Variants in SORBS2 observed in about 807,000 individuals in gnomAD.
SORBS2 encodes the protein sorbin and SH3 domain-containing protein 2.
SORBS2 carries 46 observed loss-of-function variants against 97.7 expected under a neutral mutation model. The ratio of observed to expected loss-of-function variants is 0.47; its 90% CI spans 0.37 to 0.60. The LOEUF is 0.60. SORBS2 is among the 20% of genes least tolerant of loss of function. The pLI, the probability that SORBS2 is intolerant of heterozygous loss-of-function variation, is 0.00. For missense variants in SORBS2, 1,316 were observed against 1,282.3 expected (o/e 1.03, Z -0.40); for synonymous variants, 476 against 473.4 (o/e 1.01, Z -0.07).
chr4:185,807,323 T>G (rs1440149456), intron 1 of SORBS2, among the ~76,000 whole-genome samples: 2 of 152,156 alleles, frequency 1.3e-5, no homozygotes, highest in African/African-American at 4.8e-5. Flanking sequence ...AGTAAGACCC[T>G]TGATTGGATT....
chr4:185,699,533 C>T (rs1160879204), intron 2 of SORBS2, among the ~76,000 whole-genome samples: 5 of 152,010 alleles, frequency 3.3e-5, no homozygotes, highest in African/African-American at 7.2e-5. Context: ...GTAATCTGCC[C>T]GCCTTGGTCT....
rs1667495732 is a variant in SORBS2, at chr4:185,814,292, GA to G, written c.-337-38927del. ...CACACCTTTATTCCCAGCACTTTGG[GA>G]GGCTGAGGCAGGTGGATCACTTGAG... On this transcript the variant is annotated intron_variant, in intron 1 of 20. Transcript: ENST00000284776. 2.6e-5 allele frequency among the ~76,000 whole-genome samples: 4 copies of G among 151,938 alleles called. No homozygotes were observed. The South Asian group carries it at 8.3e-4, about 32-fold the overall frequency.
intron 1 of SORBS2, among the ~76,000 whole-genome samples, chr4:185,882,760 T>G (rs775913302): frequency 6.6e-6 from 1 of 152,120 alleles, no homozygotes; most frequent in Non-Finnish European, 1.5e-5. Flanking sequence ...AAGAACAGGA[T>G]AGAGAGTCCA....
intron 2 of SORBS2, among the ~76,000 whole-genome samples, chr4:185,729,920 T>C (rs1028192975): frequency 6.6e-6 from 1 of 152,222 alleles, no homozygotes; most frequent in African/African-American, 2.4e-5. Context: ...ATTTACTGTC[T>C]AATTCCTTCT....
At chr4:185,764,642 T>C (rs1166345800) in intron 2 of SORBS2, among the ~76,000 whole-genome samples, 2 of 152,194 alleles carry the variant, frequency 1.3e-5, no homozygotes, top group Non-Finnish European at 1.5e-5. Context: ...AGTTCCTCAA[T>C]GTTAGCAGCT....
At chr4:185,694,654 CT>C (rs1186757123) in intron 2 of SORBS2, among the ~76,000 whole-genome samples, 7 of 149,482 alleles carry the variant, frequency 4.7e-5, no homozygotes, top group African/African-American at 1.7e-4. Flanking sequence ...GGTCTATAGT[CT>C]TTTAATTTTG....
intron 1 of SORBS2, among the ~76,000 whole-genome samples, chr4:185,932,151 C>G (rs2099266831): frequency 6.6e-6 from 1 of 151,508 alleles, no homozygotes; most frequent in African/African-American, 2.4e-5. Context: ...GAAGGGGCCC[C>G]AAGATCATGA....
intron 13 of SORBS2, 92 bp downstream of exon 25, chr4:185,593,794 C>A: frequency 1.2e-6 from 1 of 803,728 alleles, no homozygotes; most frequent in South Asian, 1.5e-5. Context: ...TGATCTTTCA[C>A]GTGCAAAGCC....
At chr4:185,721,084 C>CTTTTTTTTTTTTTTTTTTTTTTTTTTTTT (rs1160319469) in intron 2 of SORBS2, among the ~76,000 whole-genome samples, 1 of 92,194 alleles carries the variant, frequency 1.1e-5, no homozygotes. Flanking sequence ...CCCACCTATT[C>CTTTTTTTTTTTTTTTTTTTTTTTTTTTTT]TTTTTTTTTT....
At chr4:185,586,806 A>T (rs2095805601) in exon 15 of SORBS2, 1 of 152,668 alleles carries the variant, frequency 6.6e-6, no homozygotes, top group Admixed American at 6.5e-5. Flanking sequence ...CTCATTGTTC[A>T]TGATGCTGAT....
chr4:185,633,286 A>T (rs975568213), intron 4 of SORBS2, among the ~76,000 whole-genome samples: 11 of 152,222 alleles, frequency 7.2e-5, no homozygotes, highest in African/African-American at 2.4e-4. Flanking sequence ...ATGTTTAATA[A>T]CAAAAGGTTA....
At position 185,813,357 on chromosome 4, in the gene SORBS2, G is replaced by A. The variant is rs1055701911; in HGVS notation, c.-337-37991C>T. Among the ~76,000 whole-genome samples the A allele has an allele frequency of 5.3e-5, 8 of 152,074 alleles. No homozygotes were observed. The East Asian group carries it at 5.8e-4, about 11-fold the overall frequency. ...TGTGGATGTAGATTTGGGGATGCCC[G>A]CTCCCCTTCCTCCCCAACCGGATTC... is the stretch of plus-strand genomic sequence containing the variant. On this transcript the variant is annotated intron_variant, in intron 1 of 20. Coordinates refer to the SORBS2 transcript ENST00000284776.
At chr4:185,884,641 A>C (rs976172114) in intron 1 of SORBS2, among the ~76,000 whole-genome samples, 1 of 152,190 alleles carries the variant, frequency 6.6e-6, no homozygotes, top group South Asian at 2.1e-4. Context: ...CTGAGCAGGC[A>C]GTTGACCACT....
exon 5 of SORBS2, chr4:185,662,155 G>A: frequency 6.2e-7 from 1 of 1,614,196 alleles, no homozygotes; most frequent in Non-Finnish European, 8.5e-7. Flanking sequence ...GAGGCTGGGA[G>A]AGAATATGCC....
chr4:185,792,322 C>T (rs376517553), intron 1 of SORBS2, among the ~76,000 whole-genome samples: 7 of 152,188 alleles, frequency 4.6e-5, no homozygotes, highest in East Asian at 1.9e-4. Context: ...GGTGAAACCC[C>T]GTCTCTACTA....
intron 1 of SORBS2, among the ~76,000 whole-genome samples, chr4:185,892,796 T>A (rs1179248923): frequency 6.6e-6 from 1 of 152,148 alleles, no homozygotes; most frequent in Non-Finnish European, 1.5e-5. Context: ...GTTTAATGGG[T>A]ACACAGTATT....
At chr4:185,701,409 T>A (rs989114119) in intron 2 of SORBS2, among the ~76,000 whole-genome samples, 6 of 152,222 alleles carry the variant, frequency 3.9e-5, no homozygotes, top group African/African-American at 1.4e-4. Context: ...AGGTAGAGAA[T>A]GTCTGTGTGG....
chr4:185,648,880 G>T (rs2097261596), intron 3 of SORBS2, among the ~76,000 whole-genome samples: 1 of 152,026 alleles, frequency 6.6e-6, no homozygotes, highest in Non-Finnish European at 1.5e-5. Flanking sequence ...CTCAATGAAG[G>T]TTACCTATAA....
intron 13 of SORBS2, among the ~76,000 whole-genome samples, chr4:185,591,487 C>T (rs140227195): frequency 7.3e-4 from 111 of 152,252 alleles, no homozygotes; most frequent in African/African-American, 2.5e-3. Context: ...ATGTGGCCAG[C>T]TTTGCTAGGG....
Sources: gnomAD v4.1 joint callset for allele counts (sites outside exome capture counted in the v4.1 genomes callset) on GRCh38, gnomAD v4.1.1 for gene constraint, MANE v1.5 for transcripts, NCBI Gene and HGNC (gene_info 2026-07-23, HGNC 2026-07-21) for gene names.